Variants in IL21R observed in about 807,000 individuals in gnomAD.
IL21R encodes the protein interleukin 21 receptor, also known as interleukin-21 receptor.
Under a neutral mutation model 41.3 loss-of-function variants are expected in IL21R, and 14 were observed. The observed-to-expected ratio is 0.34, with a 90% confidence interval of 0.22 to 0.53. The LOEUF (loss-of-function observed/expected upper bound fraction) is 0.53, where lower values mean the gene tolerates loss of function less well. IL21R is among the 20% of genes least tolerant of loss of function. The pLI, the probability that IL21R is intolerant of heterozygous loss-of-function variation, is 0.94. For synonymous variants in IL21R, 286 were observed against 287.6 expected (o/e 0.99, Z 0.05); for missense variants, 588 against 681.6 (o/e 0.86, Z 1.53).
At chr16:27,435,868 A>C (rs1238535953) in intron 3 of IL21R, among the ~76,000 whole-genome samples, 1 of 152,128 alleles carries the variant, frequency 6.6e-6, no homozygotes, top group South Asian at 2.1e-4. Context: ...TCCTGGGTTC[A>C]AGCAATTCTC....
intron 2 of IL21R, among the ~76,000 whole-genome samples, chr16:27,430,905 AGAGCCAAAAG>A (rs2087159793): frequency 1.3e-5 from 2 of 152,222 alleles, no homozygotes; most frequent in African/African-American, 4.8e-5. Context: ...GACAGGAGGA[AGAGCCAAAAG>A]GAGACTGAAC....
intron 6 of IL21R, 147 bp downstream of exon 6, chr16:27,444,866 C>A (rs887176521): frequency 6.7e-5 from 52 of 777,828 alleles, no homozygotes; most frequent in Non-Finnish European, 1.2e-5. Flanking sequence ...ATTTCTAGAG[C>A]CCCTGCTGGC....
At chr16:27,411,161 C>A (rs2086815981) in intron 1 of IL21R, among the ~76,000 whole-genome samples, 1 of 151,928 alleles carries the variant, frequency 6.6e-6, no homozygotes, top group Non-Finnish European at 1.5e-5. Flanking sequence ...GTTTTTATTT[C>A]TTTTGGATAT....
chr16:27,418,907 ATTT>A (rs71137795), intron 1 of IL21R, among the ~76,000 whole-genome samples: 197 of 149,178 alleles, frequency 1.3e-3, no homozygotes, highest in African/African-American at 4.7e-3. Context: ...ACTTAAAAAA[ATTT>A]TTTTTTGTTA....
At chr16:27,440,238 T>TAGAGAG (rs1255576516) in intron 4 of IL21R, among the ~76,000 whole-genome samples, 17 of 87,968 alleles carry the variant, frequency 1.9e-4, no homozygotes, top group African/African-American at 7.4e-4. Flanking sequence ...TATATATATA[T>TAGAGAG]ATATATATAT....
At chr16:27,402,785 C>T (rs2141250383) in intron 1 of IL21R, among the ~76,000 whole-genome samples, 167 bp downstream of exon 1, 1 of 152,244 alleles carries the variant, frequency 6.6e-6, no homozygotes, top group Middle Eastern at 3.4e-3. Context: ...TGAGGCTGGG[C>T]AGAAATGAGG....
chr16:27,405,039 T>A (rs2214032), intron 1 of IL21R, among the ~76,000 whole-genome samples: 58,374 of 150,842 alleles, frequency 0.39, 11,667 homozygotes, highest in East Asian at 0.63. Flanking sequence ...TTTTTTTTTT[T>A]AATTTTTTTT....
chr16:27,411,778 T>G (rs2086828100), intron 1 of IL21R, among the ~76,000 whole-genome samples: 1 of 151,994 alleles, frequency 6.6e-6, no homozygotes, highest in Admixed American at 6.6e-5. Flanking sequence ...TTAAATTGAG[T>G]TATTTGTTTT....
intron 5 of IL21R, among the ~76,000 whole-genome samples, 194 bp downstream of exon 5, chr16:27,443,310 A>C (rs1158863873): frequency 6.6e-6 from 1 of 152,092 alleles, no homozygotes; most frequent in Non-Finnish European, 1.5e-5. Flanking sequence ...CCCCTGAATA[A>C]TCTGTCCTCC....
chr16:27,449,056 C>A lies in IL21R; in HGVS notation c.1390C>A (p.Pro464Thr). Residue 464 changes from proline (P) to threonine (T), a missense_variant, in exon 9 of 9, where the codon CCC becomes ACC. Coordinates refer to ENST00000337929, the MANE Select transcript of IL21R (RefSeq NM_181078.3). The part of the protein sequence containing the change: ...ADGEDWAGGL[P>T]WGGRSPGGVS... Reference sequence around the variant, plus strand: ...TGGGGAGGACTGGGCTGGGGGACTGCCCTGGGGTGGCCGGTCACCTGGAGG... The same window carrying A: ...TGGGGAGGACTGGGCTGGGGGACTGACCTGGGGTGGCCGGTCACCTGGAGG... The A allele has an allele frequency of 6.2e-7, 1 of 1,612,558 alleles. No individual in the cohort carries two copies.
chr16:27,446,173 C>A, intron 8 of IL21R, 85 bp downstream of exon 8: 2 of 1,101,024 alleles, frequency 1.8e-6, no homozygotes, highest in Non-Finnish European at 2.7e-6. Flanking sequence ...GGCTCCCCAG[C>A]CTCACCCCAC....
rs948882535 is a variant in IL21R at position 27,451,647 on chromosome 16, A to G, written c.*2364A>G. On this transcript the variant is annotated 3_prime_UTR_variant, in exon 9 of 9. Transcript: ENST00000337929. ...GGTGGGAGGATCGCTGGAGCCCAGG[A>G]ATTTGAGGCTGCAGTGAGCTGTGAT... The G allele has an allele frequency of 1.4e-5, 3 of 219,918 alleles. No individual in the cohort carries two copies. Among genetic ancestry groups the G allele is most frequent in the African/African-American group, 6.7e-5 (3 of 44,534 alleles). 13.6% of individuals were successfully genotyped at this position (219,918 alleles called of 1,614,324 possible). A position where few individuals can be genotyped will look rare whatever the true frequency, so the allele number is the denominator to read the frequency against.
chr16:27,406,240 G>A (rs2086744570), intron 1 of IL21R, among the ~76,000 whole-genome samples: 1 of 152,274 alleles, frequency 6.6e-6, no homozygotes, highest in African/African-American at 2.4e-5. Flanking sequence ...ATAGTTCAAA[G>A]CCTCCTTTCA....
At chr16:27,430,185 G>T in intron 2 of IL21R, 65 bp downstream of exon 2, 3 of 1,461,934 alleles carry the variant, frequency 2.1e-6, no homozygotes. Flanking sequence ...GCCAGGGCCG[G>T]GCTGGCTTTC....
At chr16:27,421,335 CAAAAAAA>C (rs35250936) in intron 1 of IL21R, among the ~76,000 whole-genome samples, 4 of 84,196 alleles carry the variant, frequency 4.8e-5, no homozygotes, top group African/African-American at 1.8e-4. Flanking sequence ...TCAATTTCTG[CAAAAAAA>C]AAAAAAAAAA....
intron 1 of IL21R, among the ~76,000 whole-genome samples, chr16:27,403,562 T>C (rs973892158): frequency 5.3e-5 from 8 of 152,222 alleles, no homozygotes; most frequent in African/African-American, 1.9e-4. Flanking sequence ...CAAGTCTCTC[T>C]GCTTCTAGCC....
intron 1 of IL21R, among the ~76,000 whole-genome samples, chr16:27,407,053 C>CT (rs2086759077): frequency 6.6e-6 from 1 of 152,168 alleles, no homozygotes; most frequent in East Asian, 1.9e-4. Context: ...TGAGGTGGGT[C>CT]TGGGGGGAGT....
chr16:27,434,862 T>C (rs913694635), intron 3 of IL21R, among the ~76,000 whole-genome samples: 3 of 152,152 alleles, frequency 2.0e-5, no homozygotes, highest in Non-Finnish European at 4.4e-5. Context: ...GGAGCTGGGA[T>C]TCAAATTCAG....
At chr16:27,407,030 A>C (rs2086758796) in intron 1 of IL21R, among the ~76,000 whole-genome samples, 2 of 152,230 alleles carry the variant, frequency 1.3e-5, no homozygotes, top group South Asian at 4.1e-4. Flanking sequence ...CTCTGGAAGC[A>C]GAAGATGTTG....
Sources: gnomAD v4.1 joint callset for allele counts (sites outside exome capture counted in the v4.1 genomes callset) on GRCh38, gnomAD v4.1.1 for gene constraint, MANE v1.5 for transcripts, NCBI Gene and HGNC (gene_info 2026-07-23, HGNC 2026-07-21) for gene names.